The following DCC variants were observed in gnomAD, a reference collection of about 807,000 sequenced individuals.
DCC encodes DCC netrin 1 receptor.
DCC carries 58 observed loss-of-function variants against 172.5 expected under a neutral mutation model. The ratio of observed to expected loss-of-function variants is 0.34; its 90% CI spans 0.27 to 0.42. The LOEUF (loss-of-function observed/expected upper bound fraction) is 0.42. Among genes scored for constraint, DCC ranks in the 10% least tolerant of loss-of-function variants. The probability of loss-of-function intolerance (pLI) is 1.00; values close to 1 mark genes in which losing one functional copy is unlikely to be tolerated. For missense variants in DCC, 1,740 were observed against 1,791.0 expected, an observed-to-expected ratio of 0.97 and a Z score of 0.51; for synonymous variants, 709 against 644.5, an observed-to-expected ratio of 1.10 and a Z score of -1.52.
intron 2 of DCC, among the ~76,000 whole-genome samples, chr18:52,883,470 T>G (rs2039523447): frequency 6.6e-6 from 1 of 151,540 alleles, no homozygotes; most frequent in Non-Finnish European, 1.5e-5. Context: ...TTTTTGTGTT[T>G]CCACTGTATA....
chr18:53,221,594 A>G (rs896956065), intron 12 of DCC, among the ~76,000 whole-genome samples: 2 of 152,188 alleles, frequency 1.3e-5, no homozygotes, highest in African/African-American at 4.8e-5. Flanking sequence ...TAGTTTGGGA[A>G]GATGAGTTCT....
chr18:53,527,484 A>G (rs904203251), intron 28 of DCC, among the ~76,000 whole-genome samples: 26 of 152,150 alleles, frequency 1.7e-4, no homozygotes, highest in African/African-American at 6.0e-4. Context: ...ATCATAAAAT[A>G]CCAGAAATAT....
intron 1 of DCC, among the ~76,000 whole-genome samples, chr18:52,586,282 T>A (rs2033672125): frequency 6.6e-6 from 1 of 152,184 alleles, no homozygotes; most frequent in Admixed American, 6.5e-5. Context: ...ATTAAAAATA[T>A]CCTAGTTTTA....
intron 1 of DCC, among the ~76,000 whole-genome samples, chr18:52,722,375 C>T (rs1222563940): frequency 1.3e-5 from 2 of 152,240 alleles, no homozygotes; most frequent in African/African-American, 2.4e-5. Flanking sequence ...CACCATTCAC[C>T]TCCACCCTCA....
intron 2 of DCC, among the ~76,000 whole-genome samples, chr18:52,844,405 A>G (rs2038853661): frequency 6.6e-6 from 1 of 152,180 alleles, no homozygotes; most frequent in Non-Finnish European, 1.5e-5. Context: ...ACCTCCATTT[A>G]GGAAAATCAT....
Position 53,530,900 on chromosome 18 carries a change from T to C in DCC, c.*247T>C. On this transcript the variant is annotated 3_prime_UTR_variant, in exon 29 of 29. Transcript: ENST00000442544. ...AAGCAAAGATGCATTTTCACTGCAA[T>C]GTCAAAGTTTAAGCTGCTAGAATAG... 1.7e-6 allele frequency: 1 copy of C among 585,686 alleles called. No individual in the cohort carries two copies. Among genetic ancestry groups the C allele is most frequent in the Non-Finnish European group, 3.1e-6 (1 of 324,694 alleles). The allele number at this position is 585,686 out of a possible 1,614,324, so 36.3% of individuals were successfully genotyped here. A position where few individuals can be genotyped will look rare whatever the true frequency, so the allele number is the denominator to read the frequency against.
In DCC at chr18:52,366,633, C is replaced by T. The variant is rs143370379; in HGVS notation, c.91+25755C>T. 3.5e-3 allele frequency among the ~76,000 whole-genome samples: 538 copies of T among 151,642 alleles called. 6 individuals carry two copies. Among genetic ancestry groups the T allele is most frequent in the African/African-American group, 0.012 (511 of 41,078 alleles). ...GCGCTCAGAAACCTTGAGCTAAACA[C>T]AGGGTGCTGATTGGTGTATTTACAA... On this transcript the variant is annotated intron_variant, in intron 1 of 28. Coordinates refer to ENST00000442544, the MANE Select transcript of DCC (RefSeq NM_005215.4).
chr18:53,042,798 G>T (rs887127374), intron 5 of DCC, among the ~76,000 whole-genome samples: 1 of 151,888 alleles, frequency 6.6e-6, no homozygotes, highest in African/African-American at 2.4e-5. Flanking sequence ...TCATTAAAAA[G>T]TCAGGAAACA....
intron 19 of DCC, among the ~76,000 whole-genome samples, chr18:53,404,886 A>C (rs1909564031): frequency 6.6e-6 from 1 of 152,144 alleles, no homozygotes; most frequent in African/African-American, 2.4e-5. Flanking sequence ...TACTATTAAA[A>C]ATCCATTCTC....
intron 27 of DCC, among the ~76,000 whole-genome samples, chr18:53,513,293 A>G (rs552192127): frequency 1.3e-5 from 2 of 152,266 alleles, no homozygotes; most frequent in African/African-American, 4.8e-5. Flanking sequence ...GGCCTGCCCT[A>G]AAAGAACTCC....
In DCC at chr18:52,945,007, T is replaced by C. The variant is rs187837259; in HGVS notation, c.985+19637T>C. On this transcript the variant is annotated intron_variant, in intron 5 of 28. Transcript: ENST00000442544. ...GAAGTGGTAACCTTGAGCTGTGAAATCCACTTGTGTTCTAAAATACTCAAT... is the reference window on the plus strand; with the variant it reads ...GAAGTGGTAACCTTGAGCTGTGAAACCCACTTGTGTTCTAAAATACTCAAT... Among the ~76,000 whole-genome samples, 7 of 152,322 alleles carry C rather than the reference T, an allele frequency of 4.6e-5. No individual in the cohort carries two copies. The East Asian group carries it at 7.7e-4, about 17-fold the overall frequency.
chr18:53,133,958 C>A (rs995602110), intron 7 of DCC, among the ~76,000 whole-genome samples: 1 of 152,094 alleles, frequency 6.6e-6, no homozygotes, highest in Non-Finnish European at 1.5e-5. Context: ...AGAGGAGAGA[C>A]CATGAATTTT....
At chr18:53,088,427 T>C (rs2042951426) in intron 7 of DCC, among the ~76,000 whole-genome samples, 1 of 152,210 alleles carries the variant, frequency 6.6e-6, no homozygotes, top group South Asian at 2.1e-4. Flanking sequence ...TGTATAAGAA[T>C]GCTTGTGATT....
chr18:52,790,260 C>T (rs2037735861), intron 2 of DCC, among the ~76,000 whole-genome samples: 1 of 152,148 alleles, frequency 6.6e-6, no homozygotes, highest in Non-Finnish European at 1.5e-5. Context: ...TTATGGGATC[C>T]TGGGTCTGCA....
intron 1 of DCC, among the ~76,000 whole-genome samples, chr18:52,378,115 G>A (rs1985431067): frequency 6.6e-6 from 1 of 151,942 alleles, no homozygotes; most frequent in African/African-American, 2.4e-5. Context: ...AATAATAATT[G>A]TTTTAAAAGG....
chr18:52,517,833 G>T (rs2144660437), intron 1 of DCC, among the ~76,000 whole-genome samples: 1 of 152,224 alleles, frequency 6.6e-6, no homozygotes, highest in African/African-American at 2.4e-5. Context: ...TAATTTTAAA[G>T]GGATTAGGAA....
At chr18:53,233,263 C>T (rs1055002109) in intron 12 of DCC, among the ~76,000 whole-genome samples, 1 of 152,172 alleles carries the variant, frequency 6.6e-6, no homozygotes, top group Non-Finnish European at 1.5e-5. Flanking sequence ...TAATCCAATT[C>T]ACCTGTAGTG....
chr18:53,057,874 C>T (rs2042433585), intron 5 of DCC, among the ~76,000 whole-genome samples: 1 of 151,820 alleles, frequency 6.6e-6, no homozygotes, highest in Admixed American at 6.6e-5. Flanking sequence ...TCTTTAAGAA[C>T]CTTAATCTGG....
At chr18:52,397,494 A>G (rs1568150084) in intron 1 of DCC, among the ~76,000 whole-genome samples, 1 of 152,012 alleles carries the variant, frequency 6.6e-6, no homozygotes, top group Non-Finnish European at 1.5e-5. Flanking sequence ...ATATGCATAA[A>G]TGGCTTTCAT....
Sources: gnomAD v4.1 joint callset for allele counts (sites outside exome capture counted in the v4.1 genomes callset) on GRCh38, gnomAD v4.1.1 for gene constraint, MANE v1.5 for transcripts, NCBI Gene and HGNC (gene_info 2026-07-23, HGNC 2026-07-21) for gene names.